CRLF2: variants seen among roughly 807,000 people sequenced by gnomAD.
CRLF2 encodes the protein cytokine receptor-like factor 2.
In CRLF2, 41 loss-of-function variants were observed where a neutral mutation model predicts 38.7. The observed-to-expected ratio is 1.06, with a 90% CI of 0.83 to 1.37. CRLF2 has a LOEUF of 1.37. Among genes scored for constraint, CRLF2 ranks in the 40% most tolerant of loss-of-function variants. CRLF2 has a pLI of 0.00. For synonymous variants in CRLF2, 140 were observed against 128.8 expected (o/e 1.09, Z -0.59); for missense variants, 377 against 322.2 (o/e 1.17, Z -1.30).
At chrX:1,199,490 G>A (rs1287708620) in intron 4 of CRLF2, among the ~76,000 whole-genome samples, 3 of 151,896 alleles carry the variant, frequency 2.0e-5, no homozygotes, top group African/African-American at 4.8e-5. Flanking sequence ...TAGTAGAGAT[G>A]AGGTTTCACC....
intron 1 of CRLF2, among the ~76,000 whole-genome samples, chrX:1,209,620 C>T (rs2086760137): frequency 1.3e-5 from 2 of 152,094 alleles, no homozygotes; most frequent in Admixed American, 1.3e-4. Context: ...CGTGAGCCAC[C>T]GCGCCCGGCT....
At chrX:1,198,965 A>T (rs2086552541) in intron 4 of CRLF2, 5 of 559,642 alleles carry the variant, frequency 8.9e-6, no homozygotes, top group Non-Finnish European at 1.3e-5. Context: ...CCTGGCCAAC[A>T]TGGAGAAACC....
intron 2 of CRLF2, among the ~76,000 whole-genome samples, chrX:1,207,250 T>C (rs1193813052): frequency 6.8e-6 from 1 of 148,054 alleles, no homozygotes; most frequent in Admixed American, 6.8e-5. Context: ...CCGGCCGTTT[T>C]TTTATTTGTT....
intron 7 of CRLF2, among the ~76,000 whole-genome samples, chrX:1,192,750 TTC>T (rs1332810283): frequency 8.0e-4 from 115 of 143,394 alleles, no homozygotes; most frequent in Non-Finnish European, 3.3e-4. Context: ...CTTTCTTTCT[TTC>T]TTTCTTTCTT....
chrX:1,198,785 TGATTA>T (rs1472581965), intron 4 of CRLF2, 61 bp from the exon 5 acceptor site: 1 of 935,686 alleles, frequency 1.1e-6, no homozygotes, highest in Non-Finnish European at 1.5e-6. Flanking sequence ...ACACACACAA[TGATTA>T]GTGATGTAAC....
chrX:1,204,184 G>A (rs1196715890), intron 3 of CRLF2, among the ~76,000 whole-genome samples: 2 of 151,232 alleles, frequency 1.3e-5, no homozygotes, highest in African/African-American at 4.9e-5. Context: ...GTGTGTGTAG[G>A]CAGGGCACCA....
At chrX:1,195,577 T>A (rs1363904090) in intron 6 of CRLF2, among the ~76,000 whole-genome samples, 1 of 148,286 alleles carries the variant, frequency 6.7e-6, no homozygotes, top group Non-Finnish European at 1.5e-5. Context: ...CCAGCTAATT[T>A]TATTTTTTCC....
chrX:1,205,076 C>T (rs1429166597), intron 3 of CRLF2, among the ~76,000 whole-genome samples: 3 of 152,262 alleles, frequency 2.0e-5, no homozygotes, highest in Non-Finnish European at 2.9e-5. Context: ...ATCCGCCCGC[C>T]TTGGCCTCCC....
rs371615837 is a variant in CRLF2, at chrX:1,197,093, CTTTTT to C, written c.647-198_647-194del. ...AATATTCGTGTCAGCAAATCTTTTA[CTTTTT>C]TTTTTTTTTTTTGAGACAGAACCTC... On this transcript the variant is annotated intron_variant, in intron 5 of 7. Transcript: ENST00000400841. 1.7e-3 allele frequency among the ~76,000 whole-genome samples: 196 copies of C among 118,626 alleles called. 1 individual carries two copies. Among genetic ancestry groups the C allele is most frequent in the African/African-American group, 5.9e-3 (179 of 30,202 alleles). 77.8% of individuals were successfully genotyped at this position (118,626 alleles called of 152,430 possible). A position where few individuals can be genotyped will look rare whatever the true frequency, so the allele number is the denominator to read the frequency against.
At chrX:1,196,756 A>C in intron 6 of CRLF2, 24 bp downstream of exon 6, 1 of 1,611,266 alleles carries the variant, frequency 6.2e-7, no homozygotes, top group South Asian at 1.1e-5. Context: ...CCCTCCACCC[A>C]CGGGCGGCAG....
chrX:1,209,143 A>AT (rs780636900), intron 1 of CRLF2, among the ~76,000 whole-genome samples: 1,976 of 150,942 alleles, frequency 0.013, 21 homozygotes, highest in Non-Finnish European at 0.023. Context: ...AATTTTTTGT[A>AT]TTTTTAGTAG....
chrX:1,191,515 C>T (rs1310159378), intron 7 of CRLF2, among the ~76,000 whole-genome samples: 12 of 150,414 alleles, frequency 8.0e-5, no homozygotes, highest in South Asian at 6.3e-4. Context: ...GACACCAATA[C>T]CCTTGTAAAC....
intron 6 of CRLF2, among the ~76,000 whole-genome samples, chrX:1,196,227 G>A (rs1427902859): frequency 3.6e-5 from 5 of 140,202 alleles, no homozygotes; most frequent in Non-Finnish European, 6.1e-5. Flanking sequence ...TCGCTCTGTC[G>A]CCCAGGCTGG....
At chrX:1,197,107 T>TTTC in intron 5 of CRLF2, among the ~76,000 whole-genome samples, 1 of 149,436 alleles carries the variant, frequency 6.7e-6, no homozygotes, top group Non-Finnish European at 1.5e-5. Flanking sequence ...TTTTTTTTTT[T>TTTC]TTTGAGACAG....
chrX:1,208,140 G>A (rs1436979373), intron 2 of CRLF2, among the ~76,000 whole-genome samples: 1 of 152,088 alleles, frequency 6.6e-6, no homozygotes, highest in Non-Finnish European at 1.5e-5. Context: ...GGTAGCCCCG[G>A]GTAAGGCTGT....
chrX:1,210,066 T>A (rs2086767286), intron 1 of CRLF2, among the ~76,000 whole-genome samples: 1 of 144,534 alleles, frequency 6.9e-6, no homozygotes, highest in Non-Finnish European at 1.5e-5. Flanking sequence ...ATCGTGTCAC[T>A]GCACTCCAGC....
chrX:1,191,993 G>C (rs1290304996), intron 7 of CRLF2, among the ~76,000 whole-genome samples: 117,589 of 143,832 alleles, frequency 0.82, 48,323 homozygotes, highest in East Asian at 0.96. Flanking sequence ...ATCATGAGGT[G>C]AGGAGATCGA....
At chrX:1,198,186 AGGAAGGCAGGACACCCTCCCTCCCACCTC>A (rs2086528062) in intron 5 of CRLF2, among the ~76,000 whole-genome samples, 7 of 78,624 alleles carry the variant, frequency 8.9e-5, no homozygotes, top group Non-Finnish European at 1.5e-4. Context: ...CCCACCTCCC[AGGAAGGCAGGACACCCTCCCTCCCACCTC>A]GAAGGCAGGA....
In CRLF2 at chrX:1,198,732, A is replaced by AACATACACAT; in HGVS notation, c.484-9_484-8insATGTGTATGT. 1 of 873,628 alleles carries AACATACACAT rather than the reference A, an allele frequency of 1.1e-6. No individual in the cohort carries two copies. The highest frequency in any genetic ancestry group is 1.7e-6 in the Non-Finnish European group (1 of 583,998). 54.1% of individuals were successfully genotyped at this position (873,628 alleles called of 1,614,324 possible). A position where few individuals can be genotyped will look rare whatever the true frequency, so the allele number is the denominator to read the frequency against. ...GGTATTTTCCTGTTTGGACTGGAGA[A>AACATACACAT]ACATACACACACACACACACACACA... On this transcript the variant is annotated splice_polypyrimidine_tract_variant and intron_variant, in intron 4 of 7. Transcript: ENST00000400841.
Sources: allele counts gnomAD v4.1 joint callset (sites outside exome capture counted in the v4.1 genomes callset), GRCh38; gene constraint gnomAD v4.1.1; transcripts MANE v1.5; gene names NCBI Gene and HGNC (gene_info 2026-07-23, HGNC 2026-07-21).